TCTN1: variants seen among roughly 807,000 people sequenced by gnomAD.
TCTN1 encodes tectonic family member 1.
In TCTN1, 58 loss-of-function variants were observed where a neutral mutation model predicts 65.8. The observed-to-expected ratio is 0.88, with a 90% CI of 0.71 to 1.10. The LOEUF is 1.10. Ranked by LOEUF, TCTN1 falls within the 50% of genes least tolerant of loss-of-function variation. The pLI is 0.00. For missense variants in TCTN1, 645 were observed against 719.4 expected, an observed-to-expected ratio of 0.90 and a Z score of 1.18; for synonymous variants, 273 against 289.1, an observed-to-expected ratio of 0.94 and a Z score of 0.57.
At chr12:110,614,585 T>G in intron 1 of TCTN1, 183 bp downstream of exon 1, 2 of 1,277,276 alleles carry the variant, frequency 1.6e-6, no homozygotes, top group African/African-American at 2.9e-5. Context: ...TTACTATCAC[T>G]GTCAGGTAAA....
At chr12:110,630,588 G>A (rs1014579216) in intron 4 of TCTN1, among the ~76,000 whole-genome samples, 19 of 152,114 alleles carry the variant, frequency 1.2e-4, no homozygotes, top group African/African-American at 4.6e-4. Flanking sequence ...ACATATAGAG[G>A]CATATAAGTT....
intron 13 of TCTN1, 132 bp from the exon 14 acceptor site, chr12:110,647,617 A>G (rs562371955): frequency 2.2e-5 from 31 of 1,390,142 alleles, no homozygotes; most frequent in South Asian, 9.5e-5. Flanking sequence ...TTAATGGCCA[A>G]TTAGTGCTCC....
At chr12:110,632,623 T>C (rs770701543) in intron 5 of TCTN1, 64 bp downstream of exon 5, 1 of 1,570,670 alleles carries the variant, frequency 6.4e-7, no homozygotes, top group Non-Finnish European at 8.7e-7. Context: ...GGTGGAAAAG[T>C]AGTTGCGGTT....
At chr12:110,636,317 C>A in intron 6 of TCTN1, 164 bp from the exon 7 acceptor site, 1 of 571,172 alleles carries the variant, frequency 1.8e-6, no homozygotes, top group Non-Finnish European at 3.2e-6. Context: ...GACATAGATT[C>A]AAACACATGC....
At position 110,647,882 on chromosome 12, in the gene TCTN1, C is replaced by CGTTT; in HGVS notation, c.1775_1778dup (p.Ter593CysfsTer15). 6.2e-7 allele frequency: 1 copy of CGTTT among 1,613,622 alleles called. No homozygotes were observed. Among genetic ancestry groups the CGTTT allele is most frequent in the Non-Finnish European group, 8.5e-7 (1 of 1,180,030 alleles). ...AGGCTGCCCTTTAACTTCTTCTTCC[C>CGTTT]GTTTGTTTGACGTAAGTGAGGAAAC... On this transcript the variant is annotated frameshift_variant, in exon 14 of 15. Coordinates refer to ENST00000397659, the MANE Select transcript of TCTN1 (RefSeq NM_001082538.3). LOFTEE classifies it high-confidence loss of function.
chr12:110,647,244 G>T lies in TCTN1; in HGVS notation c.1543G>T (p.Glu515Ter). Residue 515 changes from glutamate (E) to a stop codon, truncating the protein, a stop_gained, in exon 13 of 15, where the codon GAA becomes TAA. Transcript: ENST00000397659. LOFTEE classifies it high-confidence loss of function. ...CCAGCTCCCAGGGGCTTTGGTTATA[G>T]AAGTGAAGTGGACTAAATACGGATC... ...SCQLPGALVI[E>*]VKWTKYGSLL... 6.2e-7 allele frequency: 1 copy of T among 1,614,190 alleles called. No individual in the cohort carries two copies. The highest frequency in any genetic ancestry group is 8.5e-7 in the Non-Finnish European group (1 of 1,180,028).
intron 2 of TCTN1, 51 bp downstream of exon 2, chr12:110,620,007 T>C (rs1467467068): frequency 2.5e-6 from 4 of 1,613,558 alleles, no homozygotes; most frequent in Non-Finnish European, 3.4e-6. Context: ...ACCAGGATAA[T>C]ACAATTTGGA....
rs960688486 is a variant in TCTN1 at position 110,639,860 on chromosome 12, G to A, written c.844-523G>A. On this transcript the variant is annotated intron_variant, in intron 7 of 14. Coordinates refer to ENST00000397659, the MANE Select transcript of TCTN1 (RefSeq NM_001082538.3). This position sits in a 1 kb window ranked among gnomAD's most constrained non-coding sequence, Gnocchi z 4.9. ...TGTCCCCCATCCCCTGGCAACCACC[G>A]ATCTACTTTTCGTCTCTATGGGTTT... 3.3e-5 allele frequency among the ~76,000 whole-genome samples: 5 copies of A among 152,072 alleles called. No individual in the cohort carries two copies. The highest frequency in any genetic ancestry group is 1.2e-4 in the African/African-American group (5 of 41,384).
Position 110,628,908 on chromosome 12 carries a change from C to T in TCTN1, c.614C>T (p.Ala205Val), listed in dbSNP as rs1445827466. The change falls in exon 4 of 15, where the codon GCT (alanine) becomes GTT (valine). Residue 205 changes from alanine to valine, a missense_variant. By Grantham distance (64) the Ala-to-Val change is moderately conservative. Transcript: ENST00000397659. ...ACCAAACTGGATATTCCTACTGCTG[C>T]TAAATATGAGGTGAGCCTGAACTTG... ...FTTKLDIPTAAKYEYGVPLQT... is the reference protein window; with the variant it reads ...FTTKLDIPTAVKYEYGVPLQT... The T allele has an allele frequency of 1.2e-6, 2 of 1,613,584 alleles. No homozygotes were observed. The highest frequency in any genetic ancestry group is 1.7e-6 in the Non-Finnish European group (2 of 1,179,936).
chr12:110,632,454 T>G lies in TCTN1; in HGVS notation c.625-18T>G. 1 of 1,613,278 alleles carries G rather than the reference T, an allele frequency of 6.2e-7. No individual in the cohort carries two copies. Among genetic ancestry groups the G allele is most frequent in the South Asian group, 1.1e-5 (1 of 91,048 alleles). ...ACTTTAATTACACCATAACGACTGT[T>G]GGTTGTTGTGTTTGCAGTATGGGGT... is the stretch of plus-strand genomic sequence containing the variant. On this transcript the variant is annotated intron_variant, in intron 4 of 14. Coordinates refer to ENST00000397659, the MANE Select transcript of TCTN1 (RefSeq NM_001082538.3).
At chr12:110,642,156 G>C in intron 10 of TCTN1, 93 bp from the exon 11 acceptor site, 1 of 1,541,658 alleles carries the variant, frequency 6.5e-7, no homozygotes, top group South Asian at 1.1e-5. Flanking sequence ...AGTGTATTTG[G>C]GTCTCCCTCA....
chr12:110,618,464 C>G (rs2065199407), intron 1 of TCTN1, among the ~76,000 whole-genome samples: 1 of 152,128 alleles, frequency 6.6e-6, no homozygotes, highest in Admixed American at 6.5e-5. Context: ...TGGTCTCAAT[C>G]TCCTGACCTT....
At position 110,640,308 on chromosome 12, in the gene TCTN1, T is replaced by G. The variant is rs865973928; in HGVS notation, c.844-75T>G. On this transcript the variant is annotated intron_variant, in intron 7 of 14. Transcript: ENST00000397659. The surrounding 1 kb of genome is among the most constrained non-coding windows in gnomAD (Gnocchi z 4.9). The stretch of plus-strand genomic sequence containing the variant: ...TGGCCATATATCAGGGGAGGTTTCT[T>G]TCCAGTTGGTTGGTTATTTTAGCCC... The G allele has an allele frequency of 1.3e-6, 2 of 1,599,966 alleles. No individual in the cohort carries two copies. The highest frequency in any genetic ancestry group is 1.7e-6 in the Non-Finnish European group (2 of 1,168,732).
chr12:110,632,343 A>G (rs2066289392), intron 4 of TCTN1, 129 bp from the exon 5 acceptor site: 1 of 880,732 alleles, frequency 1.1e-6, no homozygotes, highest in South Asian at 1.3e-5. Context: ...GGCAAGGACC[A>G]CATCTGTTTT....
chr12:110,628,312 C>A, intron 3 of TCTN1: 4 of 1,384,060 alleles, frequency 2.9e-6, no homozygotes, highest in Non-Finnish European at 3.9e-6. Flanking sequence ...TTTAAAAAAT[C>A]CTGGGAGAAG....
chr12:110,637,654 C>A (rs1360859490), intron 7 of TCTN1, among the ~76,000 whole-genome samples: 1 of 152,176 alleles, frequency 6.6e-6, no homozygotes, highest in African/African-American at 2.4e-5. Flanking sequence ...GCCCAGTCTC[C>A]TTCTCTCTCC....
intron 1 of TCTN1, chr12:110,616,673 T>C (rs1215476992): frequency 2.0e-5 from 3 of 152,976 alleles, no homozygotes; most frequent in African/African-American, 7.2e-5. Flanking sequence ...TCTCATTTAA[T>C]CCTTACAACA....
In TCTN1 at chr12:110,644,875, T is replaced by G; in HGVS notation, c.1332-92T>G. The G allele has an allele frequency of 6.5e-7, 1 of 1,549,702 alleles. No homozygotes were observed. Among genetic ancestry groups the G allele is most frequent in the Non-Finnish European group, 8.9e-7 (1 of 1,127,748 alleles). On this transcript the variant is annotated intron_variant, in intron 11 of 14. Transcript: ENST00000397659. This position sits in a 1 kb window ranked among gnomAD's most constrained non-coding sequence, Gnocchi z 4.6. Reference sequence around the variant, plus strand: ...AGTGAGACCTTATCTCAAAAATAAATAAACAAAGGGAAGGAAAGGAAGAAG... The same window carrying G: ...AGTGAGACCTTATCTCAAAAATAAAGAAACAAAGGGAAGGAAAGGAAGAAG...
chr12:110,647,736 CTGTT>C lies in TCTN1; in HGVS notation c.1636-11_1636-8del, dbSNP rs765887748. 2 of 1,614,052 alleles carry C rather than the reference CTGTT, an allele frequency of 1.2e-6. No homozygotes were observed. Among genetic ancestry groups the C allele is most frequent in the South Asian group, 1.1e-5 (1 of 91,084 alleles). On this transcript the variant is annotated splice_polypyrimidine_tract_variant and intron_variant, in intron 13 of 14. Transcript: ENST00000397659. ...ACTGGAGGGTGGGCCTTGCATCTCTCTGTTTATTACAGGCCAACTCAGGAAATGA... is the reference window on the plus strand; with the variant it reads ...ACTGGAGGGTGGGCCTTGCATCTCTCTATTACAGGCCAACTCAGGAAATGA...
Sources: allele counts gnomAD v4.1 joint callset (sites outside exome capture counted in the v4.1 genomes callset), GRCh38; gene constraint gnomAD v4.1.1; non-coding constraint Gnocchi (gnomAD v3.1); transcripts MANE v1.5; gene names NCBI Gene and HGNC (gene_info 2026-07-23, HGNC 2026-07-21).